Variants in NBPF8 observed in about 807,000 individuals in gnomAD.
The protein encoded by NBPF8 is NBPF family member NBPF8.
exon 25 of NBPF8, chr1:120,466,034 A>G: frequency 1.2e-6 from 2 of 1,611,980 alleles, no homozygotes; most frequent in Non-Finnish European, 1.7e-6. Context: ...GACTCACTGG[A>G]TAGATGTTAT....
chr1:120,415,210 C>T (rs1486851354), upstream of NBPF8, among the ~76,000 whole-genome samples: 6 of 152,308 alleles, frequency 3.9e-5, no homozygotes, highest in South Asian at 4.1e-4. Flanking sequence ...GGCCGAGGCG[C>T]GGCGCACGGA....
intron 15 of NBPF8, 140 bp from the exon 14 acceptor site, chr1:120,455,269 A>G (rs1661403334): frequency 4.8e-6 from 3 of 628,688 alleles, no homozygotes; most frequent in African/African-American, 3.7e-5. Flanking sequence ...TTAATCTAGG[A>G]CAACCTAGAA....
At chr1:120,454,256 C>T in intron 15 of NBPF8, 142 bp downstream of exon 13, 3 of 1,549,320 alleles carry the variant, frequency 1.9e-6, no homozygotes, top group Non-Finnish European at 2.6e-6. Flanking sequence ...TTTTTTTGTC[C>T]TTCACAGCTA....
chr1:120,427,110 AG>A (rs1371051463), intron 2 of NBPF8, among the ~76,000 whole-genome samples: 1 of 128,030 alleles, frequency 7.8e-6, no homozygotes, highest in African/African-American at 3.5e-5. Context: ...GTGTGTCAAA[AG>A]TTTGTTCCTT....
intron 17 of NBPF8, among the ~76,000 whole-genome samples, chr1:120,459,773 C>G (rs1248450918): frequency 1.3e-5 from 2 of 152,224 alleles, no homozygotes; most frequent in African/African-American, 4.8e-5. Context: ...CTGACTGTCA[C>G]GATATTGAAC....
chr1:120,421,522 T>C (rs9441094), intron 1 of NBPF8, among the ~76,000 whole-genome samples: 3 of 147,976 alleles, frequency 2.0e-5, no homozygotes, highest in African/African-American at 7.5e-5. Flanking sequence ...CTTCCTTCCT[T>C]CCTCCCTTCC....
intron 24 of NBPF8, among the ~76,000 whole-genome samples, 153 bp from the exon 23 acceptor site, chr1:120,465,825 T>G (rs1490995158): frequency 2.6e-5 from 4 of 152,268 alleles, no homozygotes; most frequent in African/African-American, 9.6e-5. Flanking sequence ...GGCCCTGTTC[T>G]ATCCCAACAT....
chr1:120,430,851 T>A (rs1427598272), intron 3 of NBPF8, among the ~76,000 whole-genome samples: 1 of 148,268 alleles, frequency 6.7e-6, no homozygotes, highest in East Asian at 2.0e-4. Flanking sequence ...ATGAAAGAAC[T>A]AAATTAGTGG....
At chr1:120,450,964 G>GACAAGGGCATGAAACATCA (rs1402673967) in intron 11 of NBPF8, among the ~76,000 whole-genome samples, 31 of 151,370 alleles carry the variant, frequency 2.0e-4, no homozygotes, top group Non-Finnish European at 2.9e-5. Flanking sequence ...CTTCCTTGAT[G>GACAAGGGCATGAAACATCA]TGCCCTTGAG....
At chr1:120,418,427 G>A (rs1391711950), upstream of NBPF8, among the ~76,000 whole-genome samples, 1 of 118,296 alleles carries the variant, frequency 8.5e-6, no homozygotes, top group Non-Finnish European at 1.7e-5. Flanking sequence ...TTGTTCTTAG[G>A]TATACTTAAT....
chr1:120,431,540 C>T (rs1246379066), upstream of NBPF8, among the ~76,000 whole-genome samples: 4 of 151,614 alleles, frequency 2.6e-5, no homozygotes, highest in Admixed American at 2.0e-4. Flanking sequence ...AGATGCTCCA[C>T]TGTTTAGTCA....
At chr1:120,429,909 GC>G (rs1660829798) in intron 3 of NBPF8, among the ~76,000 whole-genome samples, 1 of 150,486 alleles carries the variant, frequency 6.6e-6, no homozygotes, top group African/African-American at 2.5e-5. Context: ...TATTATCAGG[GC>G]AAAAGAGAAA....
At chr1:120,431,165 A>G (rs1660862508) in intron 3 of NBPF8, among the ~76,000 whole-genome samples, 1 of 148,050 alleles carries the variant, frequency 6.8e-6, no homozygotes, top group Non-Finnish European at 1.5e-5. Context: ...AGTGGAAGAG[A>G]AGAGAGAATC....
At chr1:120,460,498 A>G in intron 17 of NBPF8, 75 bp from the exon 16 acceptor site, 1 of 867,452 alleles carries the variant, frequency 1.2e-6, no homozygotes, top group Non-Finnish European at 2.0e-6. Flanking sequence ...CTGTGTTAGG[A>G]TTGGACAGAG....
intron 1 of NBPF8, among the ~76,000 whole-genome samples, chr1:120,421,468 C>G (rs1660575099): frequency 6.7e-6 from 1 of 149,530 alleles, no homozygotes. Context: ...TCCTTTCTTC[C>G]TCCCTTCCTC....
At chr1:120,452,041 G>A in intron 12 of NBPF8, 76 bp from the exon 11 acceptor site, 1 of 1,428,112 alleles carries the variant, frequency 7.0e-7, no homozygotes, top group South Asian at 1.1e-5. Context: ...CATTGTCTCA[G>A]AAGTCTCTGT....
intron 1 of NBPF8, among the ~76,000 whole-genome samples, chr1:120,425,304 C>A (rs1320597974): frequency 1.3e-5 from 2 of 151,970 alleles, no homozygotes; most frequent in Non-Finnish European, 2.9e-5. Flanking sequence ...ATTGTATATT[C>A]CATTTACTGA....
At chr1:120,424,785 G>T (rs2101496650) in intron 1 of NBPF8, among the ~76,000 whole-genome samples, 1 of 138,126 alleles carries the variant, frequency 7.2e-6, no homozygotes, top group East Asian at 2.1e-4. Flanking sequence ...GATTGTTACT[G>T]TGTCTGTGTA....
At chr1:120,464,133 CTGTGTGTGTGTG>C (rs1169651864) in intron 22 of NBPF8, among the ~76,000 whole-genome samples, 27 of 38,974 alleles carry the variant, frequency 6.9e-4, no homozygotes, top group African/African-American at 3.9e-3. Context: ...CTCTCTCTCT[CTGTGTGTGTGTG>C]TGTGTGTGTG....
Sources: allele counts gnomAD v4.1 joint callset (sites outside exome capture counted in the v4.1 genomes callset), GRCh38; gene constraint gnomAD v4.1.1; transcripts MANE v1.5; gene names NCBI Gene and HGNC (gene_info 2026-07-23, HGNC 2026-07-21).